The following DCDC1 variants were observed in gnomAD, a reference collection of about 807,000 sequenced individuals.
DCDC1 encodes doublecortin domain-containing protein 1.
DCDC1 carries 200 observed loss-of-function variants against 178.3 expected under a neutral mutation model. The ratio of observed to expected loss-of-function variants is 1.12; its 90% CI spans 1.00 to 1.26. The LOEUF (loss-of-function observed/expected upper bound fraction) is 1.26, where lower values mean the gene tolerates loss of function less well. DCDC1 is among the 50% of genes most tolerant of loss of function. DCDC1 has a pLI of 0.00. For missense variants in DCDC1, 1,983 were observed against 1,749.2 expected (o/e 1.13, Z -2.38); for synonymous variants, 690 against 604.8 (o/e 1.14, Z -2.07).
intron 17 of DCDC1, among the ~76,000 whole-genome samples, chr11:31,085,815 C>A (rs1957437834): frequency 6.6e-6 from 1 of 152,124 alleles, no homozygotes; most frequent in Non-Finnish European, 1.5e-5. Flanking sequence ...TCAAACAATC[C>A]TCCTGCCACA....
At chr11:31,044,880 T>C (rs1263996824) in intron 20 of DCDC1, among the ~76,000 whole-genome samples, 1 of 152,206 alleles carries the variant, frequency 6.6e-6, no homozygotes, top group African/African-American at 2.4e-5. Context: ...TACCCAGCAA[T>C]GATAGCTAAT....
At chr11:31,231,573 G>A (rs1214941144) in intron 9 of DCDC1, among the ~76,000 whole-genome samples, 1 of 152,078 alleles carries the variant, frequency 6.6e-6, no homozygotes, top group African/African-American at 2.4e-5. Context: ...ATAGGAGTTG[G>A]GAATCTGGAC....
intron 20 of DCDC1, among the ~76,000 whole-genome samples, chr11:31,012,927 A>G (rs1311915447): frequency 6.6e-6 from 1 of 152,204 alleles, no homozygotes; most frequent in African/African-American, 2.4e-5. Flanking sequence ...ACTCTGAAGA[A>G]CGACTAAGGG....
intron 20 of DCDC1, among the ~76,000 whole-genome samples, chr11:30,996,261 AAAAC>A (rs1377594000): frequency 2.6e-5 from 4 of 152,168 alleles, no homozygotes; most frequent in Non-Finnish European, 4.4e-5. Flanking sequence ...AAATGAAACA[AAAAC>A]AAACCCCAAA....
At chr11:31,190,519 TTG>T (rs1565408062) in intron 9 of DCDC1, among the ~76,000 whole-genome samples, 1 of 152,110 alleles carries the variant, frequency 6.6e-6, no homozygotes, top group Non-Finnish European at 1.5e-5. Flanking sequence ...TGTTTCCAAA[TTG>T]TAATTGCAAA....
At chr11:31,292,071 T>C (rs1423353115) in intron 6 of DCDC1, among the ~76,000 whole-genome samples, 4 of 152,030 alleles carry the variant, frequency 2.6e-5, no homozygotes, top group African/African-American at 9.6e-5. Context: ...TAAAAACACA[T>C]ATACCGTGGC....
intron 9 of DCDC1, among the ~76,000 whole-genome samples, chr11:31,209,057 T>C (rs1389906068): frequency 6.6e-6 from 1 of 152,182 alleles, no homozygotes; most frequent in Non-Finnish European, 1.5e-5. Flanking sequence ...TAGTAGATAC[T>C]CAAATAAATA....
chr11:30,918,005 A>C (rs1399843039), intron 25 of DCDC1, among the ~76,000 whole-genome samples: 1 of 151,968 alleles, frequency 6.6e-6, no homozygotes, highest in Non-Finnish European at 1.5e-5. Flanking sequence ...AACTACAGGC[A>C]GCACAAGCGG....
intron 9 of DCDC1, among the ~76,000 whole-genome samples, chr11:31,209,011 C>T (rs979009393): frequency 1.3e-5 from 2 of 152,082 alleles, no homozygotes; most frequent in Non-Finnish European, 2.9e-5. Flanking sequence ...GCCTTGTATG[C>T]GTGTACATTT....
At chr11:31,280,984 C>T in intron 7 of DCDC1, 1 of 617,900 alleles carries the variant, frequency 1.6e-6, no homozygotes, top group Admixed American at 1.9e-5. Context: ...TCAACATCAC[C>T]CATATTTAAT....
intron 17 of DCDC1, among the ~76,000 whole-genome samples, chr11:31,090,446 A>G (rs1957752561): frequency 2.0e-5 from 3 of 152,158 alleles, no homozygotes; most frequent in Admixed American, 1.3e-4. Context: ...CTGTACCTCA[A>G]TATCCTCACC....
intron 6 of DCDC1, among the ~76,000 whole-genome samples, chr11:31,294,306 G>T (rs1479610767): frequency 6.6e-6 from 1 of 151,962 alleles, no homozygotes; most frequent in Non-Finnish European, 1.5e-5. Context: ...CAGAATGGGC[G>T]CTGTGGCTCA....
intron 20 of DCDC1, among the ~76,000 whole-genome samples, chr11:31,057,611 G>C (rs1161542710): frequency 6.6e-6 from 1 of 152,070 alleles, no homozygotes; most frequent in African/African-American, 2.4e-5. Context: ...AAAAATCAAT[G>C]AAAATGGGCC....
intron 32 of DCDC1, among the ~76,000 whole-genome samples, chr11:30,901,577 GGGGCAGCCTACTGAT>G (rs1475312974): frequency 1.3e-5 from 2 of 152,094 alleles, no homozygotes; most frequent in Non-Finnish European, 2.9e-5. Flanking sequence ...TCCATAAAAG[GGGGCAGCCTACTGAT>G]GGGCTTGCCT....
chr11:30,961,151 G>A (rs564700835), intron 20 of DCDC1, among the ~76,000 whole-genome samples: 1 of 152,092 alleles, frequency 6.6e-6, no homozygotes, highest in South Asian at 2.1e-4. Flanking sequence ...ATAATTTTTT[G>A]GAGTCCAGTG....
intron 17 of DCDC1, among the ~76,000 whole-genome samples, chr11:31,088,137 T>C (rs1400156000): frequency 6.6e-6 from 1 of 152,092 alleles, no homozygotes; most frequent in African/African-American, 2.4e-5. Context: ...ATTCTTACTT[T>C]CTTTGTATTA....
At chr11:30,892,784 G>A (rs761573034) in intron 36 of DCDC1, 34 bp downstream of exon 36, 1 of 1,611,304 alleles carries the variant, frequency 6.2e-7, no homozygotes, top group Non-Finnish European at 8.5e-7. Flanking sequence ...TTCAAACTCA[G>A]GCCTATGAAA....
rs74728056 is a variant in DCDC1 at position 31,174,367 on chromosome 11, C to T, written c.1222-36583G>A. ...GCTCAGAGCAATGCTGACATGCCAG[C>T]CCCCTGCCACCTTGGGCCCCTCTGG... On this transcript the variant is annotated intron_variant, in intron 9 of 38. Coordinates refer to ENST00000684477, the MANE Select transcript of DCDC1 (RefSeq NM_001387274.1). Among the ~76,000 whole-genome samples the T allele has an allele frequency of 4.0e-3, 605 of 151,286 alleles. 3 individuals are homozygous for T. The highest frequency in any genetic ancestry group is 0.014 in the African/African-American group (576 of 41,512).
intron 20 of DCDC1, among the ~76,000 whole-genome samples, chr11:30,964,000 C>T (rs1460196590): frequency 6.6e-6 from 1 of 152,118 alleles, no homozygotes; most frequent in East Asian, 1.9e-4. Context: ...TGATTTTCAT[C>T]CACTTCTCCA....
Sources: allele counts gnomAD v4.1 joint callset (sites outside exome capture counted in the v4.1 genomes callset), GRCh38; gene constraint gnomAD v4.1.1; transcripts MANE v1.5; gene names NCBI Gene and HGNC (gene_info 2026-07-23, HGNC 2026-07-21).